The following MAP4K1 variants were observed in gnomAD, a reference collection of about 807,000 sequenced individuals.
MAP4K1 encodes MAPK/ERK kinase kinase kinase 1.
Under a neutral mutation model 122.8 loss-of-function variants are expected in MAP4K1, and 35 were observed. That is an observed-to-expected ratio of 0.29 (90% CI 0.22 to 0.38). MAP4K1 has a LOEUF of 0.38. Ranked by LOEUF, MAP4K1 falls within the 10% of genes least tolerant of loss-of-function variation. The probability of loss-of-function intolerance (pLI) is 1.00; values close to 1 mark genes in which losing one functional copy is unlikely to be tolerated. For missense variants in MAP4K1, 791 were observed against 1,072.6 expected (o/e 0.74, Z 3.67); for synonymous variants, 412 against 421.3 (o/e 0.98, Z 0.27).
chr19:38,589,908 T>G lies in MAP4K1; in HGVS notation c.2397-2091A>C, dbSNP rs1480650556. 3.3e-5 allele frequency among the ~76,000 whole-genome samples: 5 copies of G among 151,910 alleles called. No homozygotes were observed. The East Asian group carries it at 9.7e-4, about 29-fold the overall frequency. On this transcript the variant is annotated intron_variant, in intron 30 of 30. Coordinates refer to ENST00000396857, the MANE Select transcript of MAP4K1 (RefSeq NM_001042600.3). ...AGCCAGGTGTAGTGGTACGCGCCTG[T>G]CATCCCAGCTACCCGGGAGGTTGAG...
intron 30 of MAP4K1, among the ~76,000 whole-genome samples, chr19:38,590,030 TA>T (rs962648148): frequency 2.0e-5 from 3 of 149,460 alleles, no homozygotes; most frequent in Non-Finnish European, 3.0e-5. Context: ...AATCTATCTT[TA>T]AAAAAAAAGA....
chr19:38,590,818 G>A (rs1469157705), intron 30 of MAP4K1, among the ~76,000 whole-genome samples: 1 of 151,970 alleles, frequency 6.6e-6, no homozygotes, highest in African/African-American at 2.4e-5. Flanking sequence ...AGGTTGTGAT[G>A]TTTCAGTGTT....
chr19:38,595,505 A>G lies in MAP4K1; in HGVS notation c.2320T>C (p.Trp774Arg). 6.2e-7 allele frequency: 1 copy of G among 1,614,018 alleles called. No homozygotes were observed. Among genetic ancestry groups the G allele is most frequent in the South Asian group, 1.1e-5 (1 of 91,074 alleles). Residue 774 changes from tryptophan (W) to arginine (R), a missense_variant, in exon 29 of 31, where the codon TGG becomes CGG. By Grantham distance (101) the Trp-to-Arg change is moderately radical (BLOSUM62 -3). This residue lies in a region of MAP4K1 where 267 missense variants were observed against 323.0 expected (regional missense o/e 0.83). Coordinates refer to ENST00000396857, the MANE Select transcript of MAP4K1 (RefSeq NM_001042600.3). ...CTTACCTGATCCGAGCCTAGAGCCC[A>G]CACCTGCACTCCATGCTTCCAGAAG... is the stretch of plus-strand genomic sequence containing the variant. Reference protein sequence around the residue: ...QAFWKHGVQVWALGSDQLLQE... With the variant: ...QAFWKHGVQVRALGSDQLLQE...
At chr19:38,613,589 GAGAC>G (rs1410309460) in intron 8 of MAP4K1, among the ~76,000 whole-genome samples, 1 of 152,002 alleles carries the variant, frequency 6.6e-6, no homozygotes, top group Non-Finnish European at 1.5e-5. Flanking sequence ...CAGAAACAAA[GAGAC>G]AGAGAGCACT....
rs781103426 is a variant in MAP4K1 at position 38,613,871 on chromosome 19, G to A, written c.533+9C>T. 58 of 1,598,442 alleles carry A rather than the reference G, an allele frequency of 3.6e-5. No homozygotes were observed. The South Asian group carries it at 3.9e-4, about 11-fold the overall frequency. On this transcript the variant is annotated intron_variant, in intron 8 of 30. Coordinates refer to ENST00000396857, the MANE Select transcript of MAP4K1 (RefSeq NM_001042600.3). Reference sequence around the variant, plus strand: ...CTCCACCCCTAGCTGCCCGCTGGGCGCCACTCACCAGTAGGGTGTCCCAAT... The same window carrying A: ...CTCCACCCCTAGCTGCCCGCTGGGCACCACTCACCAGTAGGGTGTCCCAAT...
chr19:38,602,778 A>G (rs1041037231), intron 19 of MAP4K1, among the ~76,000 whole-genome samples: 7 of 146,764 alleles, frequency 4.8e-5, no homozygotes, highest in Admixed American at 1.4e-4. Context: ...ACATATATAC[A>G]CATATACATA....
At chr19:38,600,618 G>C (rs1440548494) in intron 20 of MAP4K1, among the ~76,000 whole-genome samples, 1 of 151,740 alleles carries the variant, frequency 6.6e-6, no homozygotes, top group Non-Finnish European at 1.5e-5. Flanking sequence ...GTCCCTTTCT[G>C]GCTGCATCCT....
chr19:38,615,042 C>T (rs754834669), intron 4 of MAP4K1, among the ~76,000 whole-genome samples: 1 of 149,136 alleles, frequency 6.7e-6, no homozygotes, highest in Non-Finnish European at 1.5e-5. Context: ...AAACATAAAG[C>T]AAGAAAGGTG....
chr19:38,599,899 A>G (rs1474293955), intron 22 of MAP4K1, 26 bp downstream of exon 22: 1 of 1,612,448 alleles, frequency 6.2e-7, no homozygotes, highest in Non-Finnish European at 8.5e-7. Context: ...TTCCGACCCC[A>G]TCCCACCTGC....
At position 38,605,633 on chromosome 19, in the gene MAP4K1, G is replaced by T. The variant is rs1380228239; in HGVS notation, c.1298C>A (p.Pro433Gln). 3 of 1,592,782 alleles carry T rather than the reference G, an allele frequency of 1.9e-6. No individual in the cohort carries two copies. The Admixed American group carries it at 5.4e-5, about 29-fold the overall frequency. ...AGGCCCAGGACGGGGGCTGTTTGGT[G>T]GGGGCCCACTGGCACACCGGACCAG... ...GVLVRCASGP[P>Q]PNSPRPGPPP... The change falls in exon 18 of 31, where the codon CCA (proline) becomes CAA (glutamine). Residue 433 changes from proline (P) to glutamine (Q), a missense_variant. Physicochemically the swap from Pro to Gln is moderately conservative, Grantham distance 76. Transcript: ENST00000396857.
intron 9 of MAP4K1, among the ~76,000 whole-genome samples, chr19:38,611,575 G>A (rs1412943451): frequency 6.6e-6 from 1 of 152,100 alleles, no homozygotes; most frequent in Non-Finnish European, 1.5e-5. Flanking sequence ...TTGAGCCCAG[G>A]AGTTGGAGAC....
At chr19:38,602,233 G>A (rs1417354863) in intron 19 of MAP4K1, among the ~76,000 whole-genome samples, 5 of 151,844 alleles carry the variant, frequency 3.3e-5, no homozygotes, top group African/African-American at 1.2e-4. Context: ...ACAACACCAC[G>A]CCTGGCTAAT....
Position 38,590,164 on chromosome 19 carries a change from C to T in MAP4K1, c.2397-2347G>A, listed in dbSNP as rs945145173. Among the ~76,000 whole-genome samples the T allele has an allele frequency of 3.3e-5, 5 of 151,514 alleles. No individual in the cohort carries two copies. The Admixed American group carries it at 3.3e-4, about 10-fold the overall frequency. ...GCATTGTGTACTTCCTGAAATGATGCACTGAGAAAGACATCTTTCTGCAGT... is the reference window on the plus strand; with the variant it reads ...GCATTGTGTACTTCCTGAAATGATGTACTGAGAAAGACATCTTTCTGCAGT... On this transcript the variant is annotated intron_variant, in intron 30 of 30. Transcript: ENST00000396857.
intron 20 of MAP4K1, among the ~76,000 whole-genome samples, chr19:38,600,555 G>A (rs979868418): frequency 3.3e-5 from 5 of 151,978 alleles, no homozygotes; most frequent in African/African-American, 1.2e-4. Context: ...TGTCCAGTGT[G>A]ACCTGTTCCT....
Position 38,617,008 on chromosome 19 carries a change from G to A in MAP4K1, c.248+346C>T, listed in dbSNP as rs984002186. Among the ~76,000 whole-genome samples, 1 of 152,054 alleles carries A rather than the reference G, an allele frequency of 6.6e-6. No individual in the cohort carries two copies. Among genetic ancestry groups the A allele is most frequent in the African/African-American group, 2.4e-5 (1 of 41,392 alleles). On this transcript the variant is annotated intron_variant, in intron 3 of 30. Transcript: ENST00000396857. The surrounding 1 kb of genome is among the most constrained non-coding windows in gnomAD (Gnocchi z 4.1). ...CACACCTGTAATCCCAGCACTTTCG[G>A]AGGCCGAGGCGAGTGGATCACAAGG... is the stretch of plus-strand genomic sequence containing the variant.
intron 30 of MAP4K1, among the ~76,000 whole-genome samples, chr19:38,591,061 A>G (rs754104304): frequency 2.6e-5 from 4 of 151,872 alleles, no homozygotes; most frequent in Non-Finnish European, 4.4e-5. Context: ...ATGGTGGCAC[A>G]TGCCTGTAAT....
At chr19:38,608,319 A>G (rs1168504403) in intron 13 of MAP4K1, 149 bp from the exon 14 acceptor site, 3 of 478,080 alleles carry the variant, frequency 6.3e-6, no homozygotes, top group Non-Finnish European at 1.1e-5. Context: ...TCCCTTGGGG[A>G]AAGGGGTCTT....
chr19:38,590,393 AAATATATATATATATATATAT>A (rs1201681826), intron 30 of MAP4K1, among the ~76,000 whole-genome samples: 16 of 37,060 alleles, frequency 4.3e-4, no homozygotes, highest in Admixed American at 2.5e-3. Flanking sequence ...AAAAAAAAAA[AAATATATATATATATATATAT>A]ATATATATAT....
At chr19:38,605,388 C>T (rs757838046) in intron 19 of MAP4K1, 21 bp downstream of exon 19, 6 of 1,568,910 alleles carry the variant, frequency 3.8e-6, no homozygotes, top group Non-Finnish European at 4.3e-6. Context: ...GGTGTAAGTC[C>T]TCAGCAGAGC....
Sources: gnomAD v4.1 joint callset for allele counts (sites outside exome capture counted in the v4.1 genomes callset) on GRCh38, gnomAD v4.1.1 for gene constraint, gnomAD v4.1.1 regional missense constraint, Gnocchi (gnomAD v3.1) non-coding constraint, MANE v1.5 for transcripts, NCBI Gene and HGNC (gene_info 2026-07-23, HGNC 2026-07-21) for gene names.